The following SIK3 variants were observed in gnomAD, a reference collection of about 807,000 sequenced individuals.
The protein encoded by SIK3 is SIK family kinase 3, also known as serine/threonine-protein kinase SIK3.
SIK3 carries 28 observed loss-of-function variants against 144.2 expected under a neutral mutation model. The ratio of observed to expected loss-of-function variants is 0.19; its 90% CI spans 0.14 to 0.27. The LOEUF is 0.27. Ranked by LOEUF, SIK3 falls within the 10% of genes least tolerant of loss-of-function variation. The pLI is 1.00. For synonymous variants in SIK3, 686 were observed against 676.3 expected (o/e 1.01, Z -0.22); for missense variants, 1,319 against 1,776.0 (o/e 0.74, Z 4.62).
At chr11:117,055,888 T>A (rs981100542) in intron 1 of SIK3, among the ~76,000 whole-genome samples, 1 of 152,226 alleles carries the variant, frequency 6.6e-6, no homozygotes, top group African/African-American at 2.4e-5. Context: ...ATTCAAGGCA[T>A]CGTCTAAGAA....
rs1943474896 is a variant in SIK3 at position 116,863,702 on chromosome 11, A to T, written c.2069T>A (p.Met690Lys). 2 of 1,613,658 alleles carry T rather than the reference A, an allele frequency of 1.2e-6. No homozygotes were observed. The highest frequency in any genetic ancestry group is 1.7e-6 in the Non-Finnish European group (2 of 1,179,970). The change falls in exon 16 of 25, where the codon ATG (methionine) becomes AAG (lysine). Residue 690 changes from methionine (M) to lysine (K), a missense_variant. Met to Lys is a moderately conservative substitution (Grantham distance 95, BLOSUM62 -1). Coordinates refer to ENST00000445177, the MANE Select transcript of SIK3 (RefSeq NM_001366686.3). ...IQAFKAHLEKMGNNSSIKQLQ... is the reference protein window; with the variant it reads ...IQAFKAHLEKKGNNSSIKQLQ... The stretch of plus-strand genomic sequence containing the variant: ...CTGTTTGATGCTGCTGTTGTTGCCC[A>T]TTTTTTCCAGGTGAGCTTTGAAGGC...
In SIK3 at chr11:116,876,361, T is replaced by C. The variant is rs1365590970; in HGVS notation, c.987A>G (p.Leu329=). The change falls in exon 8 of 25, where the codon TTA becomes TTG. Residue 329 remains leucine, a splice_region_variant and synonymous_variant. Coordinates refer to ENST00000445177, the MANE Select transcript of SIK3 (RefSeq NM_001366686.3). ...CCTTTAGTTGTTGGCATTCAGCTAT[T>C]AACTGTAACATAAAAAGGAGGAAGC... ...LGDADPNFDR[L]IAECQQLKEE... is the part of the protein sequence containing the mutation. 4.3e-6 allele frequency: 7 copies of C among 1,611,640 alleles called. No individual in the cohort carries two copies. Among genetic ancestry groups the C allele is most frequent in the Non-Finnish European group, 5.9e-6 (7 of 1,177,808 alleles).
In SIK3 at chr11:116,849,085, G is replaced by A; in HGVS notation, c.3819+35C>T. ...TCTGTTTCAAGGCTGGGACTGGGAG[G>A]ATCCACCTCTGTGCAGCAGGTGGGA... On this transcript the variant is annotated intron_variant, in intron 22 of 24. Coordinates refer to ENST00000445177, the MANE Select transcript of SIK3 (RefSeq NM_001366686.3). This position sits in a 1 kb window ranked among gnomAD's most constrained non-coding sequence, Gnocchi z 4.2. 1.9e-6 allele frequency: 3 copies of A among 1,547,424 alleles called. No homozygotes were observed. Among genetic ancestry groups the A allele is most frequent in the Non-Finnish European group, 2.6e-6 (3 of 1,142,166 alleles).
In SIK3 at chr11:116,997,687, T is replaced by G. The variant is rs1272980567; in HGVS notation, c.274-40623A>C. On this transcript the variant is annotated intron_variant, in intron 1 of 24. Transcript: ENST00000445177. ...TCTGAAAAGTGAGATATCAGTATACTAAAATGAGAACATTAACATTCTTAA... is the reference window on the plus strand; with the variant it reads ...TCTGAAAAGTGAGATATCAGTATACGAAAATGAGAACATTAACATTCTTAA... 2.6e-5 allele frequency among the ~76,000 whole-genome samples: 4 copies of G among 152,226 alleles called. No homozygotes were observed. The South Asian group carries it at 8.3e-4, about 32-fold the overall frequency.
intron 4 of SIK3, among the ~76,000 whole-genome samples, chr11:116,918,995 T>C (rs757984597): frequency 2.6e-5 from 4 of 152,184 alleles, no homozygotes. Context: ...GACTCTATTA[T>C]GAATTCAGGA....
chr11:117,057,620 T>C (rs7114173), intron 1 of SIK3, among the ~76,000 whole-genome samples: 6,347 of 152,154 alleles, frequency 0.042, 266 homozygotes, highest in African/African-American at 0.099. Context: ...CCAACAAAGG[T>C]AGGCATTAAC....
chr11:116,872,986 C>T (rs570314175), intron 13 of SIK3, among the ~76,000 whole-genome samples: 3 of 152,348 alleles, frequency 2.0e-5, no homozygotes, highest in African/African-American at 7.2e-5. Flanking sequence ...AGATAACTGA[C>T]TCGGCTAAAG....
At chr11:116,991,200 C>G (rs1194518686) in intron 1 of SIK3, among the ~76,000 whole-genome samples, 1 of 152,192 alleles carries the variant, frequency 6.6e-6, no homozygotes, top group Non-Finnish European at 1.5e-5. Context: ...GTAACCCCAG[C>G]ACTTTGGGAG....
chr11:116,922,907 C>CTTTTTTTT (rs202058609), intron 4 of SIK3, among the ~76,000 whole-genome samples: 45 of 102,164 alleles, frequency 4.4e-4, no homozygotes, highest in East Asian at 7.1e-4. Context: ...TTTCTTTTCT[C>CTTTTTTTT]TTTTTTTTTT....
At chr11:116,938,569 AGG>A (rs1316696370) in intron 3 of SIK3, among the ~76,000 whole-genome samples, 16 of 44,764 alleles carry the variant, frequency 3.6e-4, no homozygotes, top group African/African-American at 4.6e-4. Flanking sequence ...AGGGGAGGGG[AGG>A]GGAGGGGAGG....
At chr11:116,984,120 T>TG (rs1950247697) in intron 1 of SIK3, among the ~76,000 whole-genome samples, 1 of 150,702 alleles carries the variant, frequency 6.6e-6, no homozygotes, top group Non-Finnish European at 1.5e-5. Context: ...CAGCGGTTTG[T>TG]GGGGGAAAAG....
At chr11:116,950,134 T>C (rs1948866827) in intron 3 of SIK3, 1 of 470,810 alleles carries the variant, frequency 2.1e-6, no homozygotes, top group South Asian at 1.5e-5. Flanking sequence ...TCGGCATACC[T>C]GATCAAGTTC....
intron 1 of SIK3, among the ~76,000 whole-genome samples, chr11:116,970,988 T>C (rs1949747606): frequency 6.6e-6 from 1 of 152,162 alleles, no homozygotes; most frequent in South Asian, 2.1e-4. Flanking sequence ...TGTAGGACCA[T>C]ATGATAATAA....
At chr11:117,066,231 G>A (rs1405146054) in intron 1 of SIK3, among the ~76,000 whole-genome samples, 1 of 151,676 alleles carries the variant, frequency 6.6e-6, no homozygotes, top group Non-Finnish European at 1.5e-5. Context: ...ACCATGTCTG[G>A]CTAATTTTTG....
intron 1 of SIK3, among the ~76,000 whole-genome samples, chr11:116,987,912 G>A (rs1950375011): frequency 6.6e-6 from 1 of 152,196 alleles, no homozygotes; most frequent in Non-Finnish European, 1.5e-5. Flanking sequence ...CAGAACTTAT[G>A]TGTGGTTTGG....
At chr11:116,915,440 C>T (rs1946581966) in intron 4 of SIK3, among the ~76,000 whole-genome samples, 1 of 152,112 alleles carries the variant, frequency 6.6e-6, no homozygotes, top group South Asian at 2.1e-4. Context: ...ATTTTCATGC[C>T]TTGCTTTTAA....
chr11:116,925,261 A>G (rs1349402333), intron 4 of SIK3, among the ~76,000 whole-genome samples: 1 of 152,144 alleles, frequency 6.6e-6, no homozygotes. Flanking sequence ...AAACAAAAAC[A>G]AAAAAAGGTG....
At chr11:116,986,662 G>A (rs1171155695) in intron 1 of SIK3, among the ~76,000 whole-genome samples, 1 of 152,100 alleles carries the variant, frequency 6.6e-6, no homozygotes, top group Non-Finnish European at 1.5e-5. Context: ...CATGTAATAA[G>A]TACCAAGTAA....
chr11:117,036,486 T>A (rs1489163263), intron 1 of SIK3, among the ~76,000 whole-genome samples: 3 of 152,180 alleles, frequency 2.0e-5, no homozygotes, highest in African/African-American at 7.2e-5. Context: ...AGGAAATAAC[T>A]TAAGGTTTGT....
Sources: allele counts gnomAD v4.1 joint callset (sites outside exome capture counted in the v4.1 genomes callset), GRCh38; gene constraint gnomAD v4.1.1; non-coding constraint Gnocchi (gnomAD v3.1); transcripts MANE v1.5; gene names NCBI Gene and HGNC (gene_info 2026-07-23, HGNC 2026-07-21).